ASTN2: variants seen among roughly 807,000 people sequenced by gnomAD.
ASTN2 encodes astrotactin-2.
A neutral mutation model predicts 139.8 loss-of-function variants in ASTN2; 54 were observed. That is an observed-to-expected ratio of 0.39 (90% CI 0.31 to 0.48). The LOEUF (loss-of-function observed/expected upper bound fraction) is 0.48, where lower values mean the gene tolerates loss of function less well. Ranked by LOEUF, ASTN2 falls within the 20% of genes least tolerant of loss-of-function variation. The pLI is 0.95. For synonymous variants in ASTN2, 756 were observed against 719.5 expected (o/e 1.05, Z -0.81); for missense variants, 1,565 against 1,725.1 (o/e 0.91, Z 1.64).
chr9:117,094,116 GAGGGAGGGAGGGAGGGACTA>G (rs57515391), intron 5 of ASTN2, among the ~76,000 whole-genome samples: 75,197 of 127,860 alleles, frequency 0.59, 22,715 homozygotes, highest in East Asian at 0.84. Context: ...AGGAGGGAGA[GAGGGAGGGAGGGAGGGACTA>G]AGGGAGGGAG....
intron 19 of ASTN2, among the ~76,000 whole-genome samples, chr9:116,500,673 A>C (rs1849824257): frequency 6.6e-6 from 1 of 152,252 alleles, no homozygotes; most frequent in African/African-American, 2.4e-5. Context: ...ATTCTAAGCA[A>C]GTGACGTCAT....
At chr9:117,383,516 C>T (rs781245645) in intron 1 of ASTN2, among the ~76,000 whole-genome samples, 3 of 151,698 alleles carry the variant, frequency 2.0e-5, no homozygotes, top group Non-Finnish European at 4.4e-5. Context: ...AAGTGTGTTG[C>T]TTTGAACTGT....
chr9:117,236,421 G>GA (rs934703020), intron 2 of ASTN2, among the ~76,000 whole-genome samples: 11 of 152,024 alleles, frequency 7.2e-5, no homozygotes, highest in African/African-American at 2.4e-4. Flanking sequence ...ATGGGCATTG[G>GA]AAAAAATGCC....
intron 1 of ASTN2, among the ~76,000 whole-genome samples, chr9:117,369,096 G>A (rs1275528235): frequency 6.6e-6 from 1 of 152,126 alleles, no homozygotes; most frequent in Non-Finnish European, 1.5e-5. Flanking sequence ...TTCTCTAAGT[G>A]TTTTTCCCCA....
intron 3 of ASTN2, among the ~76,000 whole-genome samples, chr9:117,198,000 T>C (rs905145508): frequency 3.9e-5 from 6 of 152,054 alleles, no homozygotes; most frequent in Non-Finnish European, 7.4e-5. Flanking sequence ...AGATTTTTTT[T>C]CTTTGTCCTT....
At chr9:116,796,808 T>C (rs934640576) in intron 13 of ASTN2, among the ~76,000 whole-genome samples, 1 of 152,114 alleles carries the variant, frequency 6.6e-6, no homozygotes, top group Non-Finnish European at 1.5e-5. Flanking sequence ...TAAGATATGT[T>C]AAATGTTTTG....
intron 13 of ASTN2, among the ~76,000 whole-genome samples, chr9:116,765,786 A>G (rs1829791113): frequency 6.6e-6 from 1 of 152,192 alleles, no homozygotes; most frequent in African/African-American, 2.4e-5. Context: ...ATGTTTCTGT[A>G]TATAACATGT....
intron 3 of ASTN2, among the ~76,000 whole-genome samples, chr9:117,143,616 C>T (rs1830125046): frequency 6.6e-6 from 1 of 152,178 alleles, no homozygotes; most frequent in Non-Finnish European, 1.5e-5. Flanking sequence ...TTAGCTTGGG[C>T]TACCATAACA....
chr9:116,430,467 A>T (rs995214111), intron 22 of ASTN2, among the ~76,000 whole-genome samples: 1 of 152,190 alleles, frequency 6.6e-6, no homozygotes, highest in African/African-American at 2.4e-5. Flanking sequence ...ATAAAATGTG[A>T]ATAATGGTTT....
At chr9:117,057,300 C>T (rs1002239224) in intron 5 of ASTN2, among the ~76,000 whole-genome samples, 16 of 152,108 alleles carry the variant, frequency 1.1e-4, no homozygotes, top group Non-Finnish European at 2.1e-4. Context: ...CAGCTCCTTG[C>T]GCTGAAATGG....
chr9:116,839,481 G>A (rs551183871), intron 11 of ASTN2, among the ~76,000 whole-genome samples: 3 of 151,626 alleles, frequency 2.0e-5, no homozygotes, highest in South Asian at 2.1e-4. Context: ...CCCAAAGATC[G>A]TTCATGTACT....
chr9:116,552,350 T>G (rs1004458775), intron 19 of ASTN2: 1 of 152,198 alleles, frequency 6.6e-6, no homozygotes, highest in South Asian at 2.1e-4. Context: ...GGGATAAGTG[T>G]TTTTCATACT....
intron 3 of ASTN2, among the ~76,000 whole-genome samples, chr9:117,149,844 A>G (rs1057331930): frequency 6.6e-6 from 1 of 152,182 alleles, no homozygotes; most frequent in African/African-American, 2.4e-5. Flanking sequence ...TCAGGGGTAA[A>G]AATTGATGGA....
chr9:116,818,357 C>G (rs1831393576), intron 12 of ASTN2, among the ~76,000 whole-genome samples: 1 of 152,234 alleles, frequency 6.6e-6, no homozygotes, highest in Admixed American at 6.5e-5. Flanking sequence ...TGGACCATCT[C>G]TCTCACAAGT....
intron 20 of ASTN2, among the ~76,000 whole-genome samples, chr9:116,480,156 G>T (rs1320883917): frequency 1.3e-5 from 2 of 151,828 alleles, no homozygotes; most frequent in Non-Finnish European, 2.9e-5. Context: ...GAGGAAGTGG[G>T]AAAGGAAGGA....
chr9:117,326,217 A>C (rs1449414988), intron 1 of ASTN2, among the ~76,000 whole-genome samples: 1 of 152,116 alleles, frequency 6.6e-6, no homozygotes, highest in Non-Finnish European at 1.5e-5. Context: ...TGATATCTGC[A>C]TGCCAGATGT....
chr9:116,719,343 C>A (rs1199407793), intron 16 of ASTN2, among the ~76,000 whole-genome samples: 1 of 152,108 alleles, frequency 6.6e-6, no homozygotes, highest in Non-Finnish European at 1.5e-5. Flanking sequence ...AGCCAACTCC[C>A]ACCACCACAG....
chr9:116,698,073 T>C lies in ASTN2; in HGVS notation c.2806+27698A>G. The C allele has an allele frequency of 1.2e-6, 2 of 1,614,072 alleles. No homozygotes were observed. The highest frequency in any genetic ancestry group is 4.5e-5 in the East Asian group (2 of 44,862). The stretch of plus-strand genomic sequence containing the variant: ...CTGTGGGCGGCGTCTGCCCCGGCAA[T>C]TCTGCCGGAGCTGTGGTTTGGTGTT... On this transcript the variant is annotated intron_variant, in intron 16 of 22. Transcript: ENST00000313400. This position sits in a 1 kb window ranked among gnomAD's most constrained non-coding sequence, Gnocchi z 4.4.
rs182104467 is a variant in ASTN2 at position 116,651,820 on chromosome 9, G to A, written c.2807-27C>T. 3,623 of 1,605,368 alleles carry A rather than the reference G, an allele frequency of 2.3e-3. 7 individuals are homozygous for A. The highest frequency in any genetic ancestry group is 2.8e-3 in the Non-Finnish European group (3,270 of 1,173,562). On this transcript the variant is annotated intron_variant, in intron 16 of 22. Coordinates refer to ENST00000313400, the MANE Select transcript of ASTN2 (RefSeq NM_001365068.1). The stretch of plus-strand genomic sequence containing the variant: ...TGGAGAGGCACAAGACAGGAAGAGC[G>A]AAAGGTAAACTCAGGATTATTCAAA...
Sources: gnomAD v4.1 joint callset for allele counts (sites outside exome capture counted in the v4.1 genomes callset) on GRCh38, gnomAD v4.1.1 for gene constraint, Gnocchi (gnomAD v3.1) non-coding constraint, MANE v1.5 for transcripts, NCBI Gene and HGNC (gene_info 2026-07-23, HGNC 2026-07-21) for gene names.